Variants in TTC7B observed in about 807,000 individuals in gnomAD.
The protein encoded by TTC7B is tetratricopeptide repeat domain 7B.
Under a neutral mutation model 106.8 loss-of-function variants are expected in TTC7B, and 28 were observed. The observed-to-expected ratio is 0.26, with a 90% CI of 0.19 to 0.36. TTC7B has a LOEUF of 0.36. Ranked by LOEUF, TTC7B falls within the 10% of genes least tolerant of loss-of-function variation. TTC7B has a pLI of 1.00. For synonymous variants in TTC7B, 405 were observed against 430.6 expected (o/e 0.94, Z 0.74); for missense variants, 862 against 1,076.4 (o/e 0.80, Z 2.79).
rs147183613 is a variant in TTC7B, at chr14:90,545,557, G to C, written c.2311-3968C>G. ...CACAGCCAACCGACTGGGCCATTCTGTCCGCCAGAAAGTGGATGGGTGAGA... is the reference window on the plus strand; with the variant it reads ...CACAGCCAACCGACTGGGCCATTCTCTCCGCCAGAAAGTGGATGGGTGAGA... On this transcript the variant is annotated intron_variant, in intron 19 of 19. Coordinates refer to ENST00000328459, the MANE Select transcript of TTC7B (RefSeq NM_001010854.2). 3.1e-3 allele frequency among the ~76,000 whole-genome samples: 466 copies of C among 152,332 alleles called. 2 individuals are homozygous for C. The highest frequency in any genetic ancestry group is 5.0e-3 in the Non-Finnish European group (342 of 68,028).
chr14:90,782,240 A>G (rs1891245376), intron 2 of TTC7B, among the ~76,000 whole-genome samples: 1 of 152,154 alleles, frequency 6.6e-6, no homozygotes. Flanking sequence ...CCCAAGGGAG[A>G]GGCACCAGAG....
In TTC7B at chr14:90,657,374, C is replaced by T. The variant is rs1284710460; in HGVS notation, c.1237-96G>A. The T allele has an allele frequency of 1.7e-6, 2 of 1,179,386 alleles. No individual in the cohort carries two copies. The highest frequency in any genetic ancestry group is 2.4e-6 in the Non-Finnish European group (2 of 836,812). 73.1% of individuals were successfully genotyped at this position (1,179,386 alleles called of 1,614,324 possible). On this transcript the variant is annotated intron_variant, in intron 10 of 19. Coordinates refer to ENST00000328459, the MANE Select transcript of TTC7B (RefSeq NM_001010854.2). This position sits in a 1 kb window ranked among gnomAD's most constrained non-coding sequence, Gnocchi z 4.2. Reference sequence around the variant, plus strand: ...AGGGGTTTTTGGTCAGGGTGACCTCCTCGTGGGCTTGTCCAACTTTAAGCC... The same window carrying T: ...AGGGGTTTTTGGTCAGGGTGACCTCTTCGTGGGCTTGTCCAACTTTAAGCC...
chr14:90,786,642 C>T (rs916858483), intron 1 of TTC7B, among the ~76,000 whole-genome samples: 15 of 152,028 alleles, frequency 9.9e-5, no homozygotes, highest in Admixed American at 6.6e-4. Flanking sequence ...TGCAATAGCA[C>T]GATCTCGGCT....
At chr14:90,797,436 C>A (rs1470017071) in intron 1 of TTC7B, among the ~76,000 whole-genome samples, 4 of 150,032 alleles carry the variant, frequency 2.7e-5, no homozygotes, top group Non-Finnish European at 5.9e-5. Flanking sequence ...CCAGCCTGGG[C>A]AACAGAGTGA....
chr14:90,690,947 A>G (rs1036297499), intron 6 of TTC7B, among the ~76,000 whole-genome samples: 3 of 151,930 alleles, frequency 2.0e-5, no homozygotes, highest in Non-Finnish European at 1.5e-5. Flanking sequence ...TTGGCATTAA[A>G]TGTCTATAAA....
chr14:90,669,589 T>C (rs1198602567), intron 9 of TTC7B, among the ~76,000 whole-genome samples: 1 of 150,422 alleles, frequency 6.6e-6, no homozygotes. Flanking sequence ...GACCAGAGTT[T>C]ATTATTTAGA....
rs373691262 is a variant in TTC7B at position 90,588,093 on chromosome 14, T to C, written c.2107+5393A>G. Among the ~76,000 whole-genome samples, 17 of 152,302 alleles carry C rather than the reference T, an allele frequency of 1.1e-4. 2 individuals carry two copies. The highest frequency in any genetic ancestry group is 1.9e-4 in the East Asian group (1 of 5,172). On this transcript the variant is annotated intron_variant, in intron 18 of 19. Coordinates refer to ENST00000328459, the MANE Select transcript of TTC7B (RefSeq NM_001010854.2). ...TGTTCCCTCTCACAGGCGCTCCCTGTACAGTGACTGCACACACCACCTGTC... is the reference window on the plus strand; with the variant it reads ...TGTTCCCTCTCACAGGCGCTCCCTGCACAGTGACTGCACACACCACCTGTC...
At position 90,745,118 on chromosome 14, in the gene TTC7B, T is replaced by C. The variant is rs191878645; in HGVS notation, c.446-196A>G. Among the ~76,000 whole-genome samples the C allele has an allele frequency of 1.4e-3, 215 of 152,210 alleles. 1 individual carries two copies. Among genetic ancestry groups the C allele is most frequent in the African/African-American group, 5.1e-3 (210 of 41,530 alleles). ...TTATTGCACTGGCAGGAATCTCCAG[T>C]ACCATGCTGAATAGAAGGGGTGACA... On this transcript the variant is annotated intron_variant, in intron 3 of 19. Coordinates refer to ENST00000328459, the MANE Select transcript of TTC7B (RefSeq NM_001010854.2).
At chr14:90,709,462 C>T (rs1888347794) in intron 5 of TTC7B, among the ~76,000 whole-genome samples, 1 of 145,600 alleles carries the variant, frequency 6.9e-6, no homozygotes, top group Non-Finnish European at 1.5e-5. Context: ...CACACGTTCT[C>T]ACTCATAGGT....
chr14:90,541,606 G>T lies in TTC7B; in HGVS notation c.2311-17C>A, dbSNP rs1375873516. 1 of 1,542,066 alleles carries T rather than the reference G, an allele frequency of 6.5e-7. No homozygotes were observed. ...GATCAGGGCCTGGAGAGGTCAGAGAGAGAGAGAGACAGTCAGCCATGGAGG... is the reference window on the plus strand; with the variant it reads ...GATCAGGGCCTGGAGAGGTCAGAGATAGAGAGAGACAGTCAGCCATGGAGG... On this transcript the variant is annotated splice_polypyrimidine_tract_variant and intron_variant, in intron 19 of 19. Transcript: ENST00000328459.
chr14:90,638,599 T>C (rs567479478), intron 15 of TTC7B, among the ~76,000 whole-genome samples: 1 of 152,340 alleles, frequency 6.6e-6, no homozygotes, highest in East Asian at 1.9e-4. Context: ...AAGGCCTAAA[T>C]AATTAGGGAG....
At chr14:90,800,414 A>G (rs776116523) in intron 1 of TTC7B, among the ~76,000 whole-genome samples, 1 of 152,172 alleles carries the variant, frequency 6.6e-6, no homozygotes, top group Non-Finnish European at 1.5e-5. Context: ...GTTGTTTTAC[A>G]TGGCAAAAGG....
At chr14:90,593,778 C>T (rs1379793930) in intron 17 of TTC7B, 152 bp from the exon 18 acceptor site, 8 of 688,704 alleles carry the variant, frequency 1.2e-5, no homozygotes, top group Admixed American at 3.9e-5. Flanking sequence ...CGGGCAATCA[C>T]GGCCCGGGGC....
chr14:90,625,761 A>G (rs567156579), intron 15 of TTC7B, among the ~76,000 whole-genome samples: 13 of 152,338 alleles, frequency 8.5e-5, no homozygotes, highest in Non-Finnish European at 1.6e-4. Context: ...CAAAATGCAC[A>G]TCCTCAATAA....
intron 16 of TTC7B, 38 bp downstream of exon 16, chr14:90,617,891 G>T: frequency 6.5e-7 from 1 of 1,545,768 alleles, no homozygotes. Context: ...AGGGACCCAT[G>T]CAAAAGCCAC....
At chr14:90,586,396 G>A (rs1018151557) in intron 18 of TTC7B, among the ~76,000 whole-genome samples, 26 of 152,006 alleles carry the variant, frequency 1.7e-4, no homozygotes, top group Non-Finnish European at 3.4e-4. Flanking sequence ...TCAGCCTCCC[G>A]AGTAGCTGGG....
At chr14:90,556,965 G>A (rs978075512) in intron 19 of TTC7B, among the ~76,000 whole-genome samples, 1 of 152,218 alleles carries the variant, frequency 6.6e-6, no homozygotes, top group Non-Finnish European at 1.5e-5. Flanking sequence ...CGAGGGAAGC[G>A]TCAGACCTGG....
chr14:90,663,504 C>T lies in TTC7B; in HGVS notation c.1153-5117G>A, dbSNP rs1886288644. ...TGCTTGAGGCTACTAAGGACTGAGACCTTTCCAGCTAGTAGAAGTGTCAAT... is the reference window on the plus strand; with the variant it reads ...TGCTTGAGGCTACTAAGGACTGAGATCTTTCCAGCTAGTAGAAGTGTCAAT... On this transcript the variant is annotated intron_variant, in intron 9 of 19. Coordinates refer to ENST00000328459, the MANE Select transcript of TTC7B (RefSeq NM_001010854.2). The surrounding 1 kb of genome is among the most constrained non-coding windows in gnomAD (Gnocchi z 4.5). Among the ~76,000 whole-genome samples the T allele has an allele frequency of 6.6e-6, 1 of 152,030 alleles. No homozygotes were observed. The highest frequency in any genetic ancestry group is 2.4e-5 in the African/African-American group (1 of 41,396).
chr14:90,715,989 T>A (rs1008177375), intron 5 of TTC7B, among the ~76,000 whole-genome samples: 1 of 152,156 alleles, frequency 6.6e-6, no homozygotes, highest in African/African-American at 2.4e-5. Flanking sequence ...AATTATTTGT[T>A]GTGTTAAAGA....
Sources: gnomAD v4.1 joint callset for allele counts (sites outside exome capture counted in the v4.1 genomes callset) on GRCh38, gnomAD v4.1.1 for gene constraint, Gnocchi (gnomAD v3.1) non-coding constraint, MANE v1.5 for transcripts, NCBI Gene and HGNC (gene_info 2026-07-23, HGNC 2026-07-21) for gene names.